Variants in MCPH1 observed in about 807,000 individuals in gnomAD.
MCPH1 encodes microcephalin 1, also known as microcephalin.
In MCPH1, 104 loss-of-function variants were observed where a neutral mutation model predicts 84.5. That is an observed-to-expected ratio of 1.23 (90% CI 1.05 to 1.45). MCPH1 has a LOEUF of 1.45. MCPH1 is among the 40% of genes most tolerant of loss of function. The probability of loss-of-function intolerance (pLI) is 0.00; values close to 1 mark genes in which losing one functional copy is unlikely to be tolerated. For synonymous variants in MCPH1, 514 were observed against 366.8 expected (o/e 1.40, Z -4.58); for missense variants, 1,498 against 1,005.7 (o/e 1.49, Z -6.62).
chr8:6,493,544 G>T (rs899233721), intron 11 of MCPH1, among the ~76,000 whole-genome samples: 11 of 152,132 alleles, frequency 7.2e-5, no homozygotes, highest in Non-Finnish European at 1.2e-4. Flanking sequence ...TAGATATTTA[G>T]CTTCCTGCCC....
intron 11 of MCPH1, among the ~76,000 whole-genome samples, chr8:6,493,308 G>C (rs1420208447): frequency 6.6e-6 from 1 of 152,136 alleles, no homozygotes; most frequent in Non-Finnish European, 1.5e-5. Flanking sequence ...AAAGGATTAG[G>C]TAGAATGCAA....
chr8:6,625,892 GT>G (rs1467067062), intron 13 of MCPH1: 1 of 985,334 alleles, frequency 1.0e-6, no homozygotes, highest in Middle Eastern at 5.2e-4. Context: ...AGAACCAGGA[GT>G]TTTTTAGCCA....
chr8:6,536,610 A>G (rs914761723), intron 12 of MCPH1, among the ~76,000 whole-genome samples: 3 of 152,176 alleles, frequency 2.0e-5, no homozygotes, highest in African/African-American at 7.2e-5. Flanking sequence ...TCTTCCAAAG[A>G]TTAGTAGTAA....
At chr8:6,424,005 C>T (rs145059269) in intron 3 of MCPH1, among the ~76,000 whole-genome samples, 46 of 152,286 alleles carry the variant, frequency 3.0e-4, no homozygotes, top group African/African-American at 1.1e-3. Context: ...TCTGTCCTTT[C>T]TTGGTGAACT....
intron 13 of MCPH1, among the ~76,000 whole-genome samples, chr8:6,636,422 A>G (rs1006356436): frequency 1.3e-5 from 2 of 151,734 alleles, no homozygotes; most frequent in Non-Finnish European, 2.9e-5. Context: ...GGGCTGAGAT[A>G]GTGATACCTC....
chr8:6,515,219 C>G (rs1043272653), intron 12 of MCPH1, among the ~76,000 whole-genome samples: 2 of 70,018 alleles, frequency 2.9e-5, no homozygotes, highest in African/African-American at 8.9e-5. Context: ...AGCCCCTGCC[C>G]CTCCACAGAG....
chr8:6,645,885 T>G lies in MCPH1; in HGVS notation c.*2836T>G, dbSNP rs897771365. ...GAAAGAAGTTAAAGACTTCTTTAAA[T>G]AGAGACATATACAAAGTTCATAGAT... On this transcript the variant is annotated 3_prime_UTR_variant, in exon 14 of 14. Transcript: ENST00000344683. 6.6e-6 allele frequency: 1 copy of G among 152,176 alleles called. No homozygotes were observed. Among genetic ancestry groups the G allele is most frequent in the African/African-American group, 2.4e-5 (1 of 41,456 alleles). 9.4% of individuals were successfully genotyped at this position (152,176 alleles called of 1,614,324 possible). A position where few individuals can be genotyped will look rare whatever the true frequency, so the allele number is the denominator to read the frequency against.
chr8:6,594,254 TC>T (rs1828746047), intron 12 of MCPH1, among the ~76,000 whole-genome samples: 2 of 152,162 alleles, frequency 1.3e-5, no homozygotes, highest in South Asian at 4.1e-4. Context: ...ATTAAAGGGT[TC>T]TTTGTGTTAG....
intron 9 of MCPH1, among the ~76,000 whole-genome samples, chr8:6,467,513 T>G (rs1807130459): frequency 6.6e-6 from 1 of 152,206 alleles, no homozygotes; most frequent in African/African-American, 2.4e-5. Flanking sequence ...CTTCCTCAGG[T>G]GAAGTTTTAA....
chr8:6,545,219 C>G (rs1822355537), intron 12 of MCPH1, among the ~76,000 whole-genome samples: 1 of 152,072 alleles, frequency 6.6e-6, no homozygotes, highest in Non-Finnish European at 1.5e-5. Flanking sequence ...CACGAGGGAG[C>G]CTTCTGGAGT....
At chr8:6,452,131 A>G (rs1016686019) in intron 8 of MCPH1, among the ~76,000 whole-genome samples, 3 of 152,172 alleles carry the variant, frequency 2.0e-5, no homozygotes, top group Non-Finnish European at 2.9e-5. Flanking sequence ...TTTAAGTTAC[A>G]TGTGTCCTTA....
At chr8:6,631,727 A>G (rs1442468673) in intron 13 of MCPH1, among the ~76,000 whole-genome samples, 1 of 152,078 alleles carries the variant, frequency 6.6e-6, no homozygotes, top group Non-Finnish European at 1.5e-5. Flanking sequence ...TGTCTGCCTC[A>G]TGTAATGTTG....
intron 12 of MCPH1, among the ~76,000 whole-genome samples, chr8:6,613,839 G>A (rs924619637): frequency 4.6e-5 from 7 of 152,150 alleles, no homozygotes; most frequent in African/African-American, 1.7e-4. Context: ...GCAGCCAGGG[G>A]CAGGGATGCT....
chr8:6,458,558 A>G (rs980823460), intron 9 of MCPH1, among the ~76,000 whole-genome samples: 7 of 152,126 alleles, frequency 4.6e-5, no homozygotes, highest in African/African-American at 1.7e-4. Flanking sequence ...TTTGATAGCA[A>G]TATAGATGAA....
rs184100341 is a variant in MCPH1 at position 6,516,015 on chromosome 8, C to T, written c.2214+16086C>T. 6.6e-5 allele frequency among the ~76,000 whole-genome samples: 10 copies of T among 152,338 alleles called. No individual in the cohort carries two copies. The East Asian group carries it at 1.9e-3, about 29-fold the overall frequency. ...ACTGTCCCTGGAACAGCCTGGTCTG[C>T]AGGGGACTTCTCCCCAGCATGGTTC... On this transcript the variant is annotated intron_variant, in intron 12 of 13. Transcript: ENST00000344683.
intron 12 of MCPH1, among the ~76,000 whole-genome samples, chr8:6,505,294 C>T (rs866541386): frequency 0.12 from 4,537 of 36,390 alleles, 891 homozygotes; most frequent in East Asian, 0.29. Context: ...ATGTTATATA[C>T]ATATATATGT....
intron 11 of MCPH1, among the ~76,000 whole-genome samples, chr8:6,484,517 C>A (rs1483546553): frequency 2.0e-5 from 3 of 152,232 alleles, no homozygotes; most frequent in African/African-American, 7.2e-5. Context: ...GTCCCACTCC[C>A]AGATATTTGC....
chr8:6,500,696 C>G (rs1252116946), intron 12 of MCPH1: 1 of 152,114 alleles, frequency 6.6e-6, no homozygotes, highest in Non-Finnish European at 1.5e-5. Flanking sequence ...TTCCTTTCAG[C>G]TTTATAAACA....
intron 12 of MCPH1, among the ~76,000 whole-genome samples, chr8:6,518,248 G>C (rs1164963192): frequency 1.3e-5 from 2 of 152,108 alleles, no homozygotes; most frequent in Admixed American, 1.3e-4. Context: ...TGACACTCCT[G>C]TCCCCAGGCC....
Sources: allele counts gnomAD v4.1 joint callset (sites outside exome capture counted in the v4.1 genomes callset), GRCh38; gene constraint gnomAD v4.1.1; transcripts MANE v1.5; gene names NCBI Gene and HGNC (gene_info 2026-07-23, HGNC 2026-07-21).